The following FHIT variants were observed in gnomAD, a reference collection of about 807,000 sequenced individuals.
FHIT encodes the protein bis(5'-adenosyl)-triphosphatase.
A neutral mutation model predicts 17.9 loss-of-function variants in FHIT; 19 were observed. The ratio of observed to expected loss-of-function variants is 1.06; its 90% CI spans 0.74 to 1.56. FHIT has a LOEUF of 1.56. FHIT is among the 40% of genes most tolerant of loss of function. FHIT has a pLI of 0.00. For synonymous variants in FHIT, 81 were observed against 69.7 expected (o/e 1.16, Z -0.81); for missense variants, 248 against 189.2 (o/e 1.31, Z -1.82).
At chr3:59,960,015 T>G (rs1177810120) in intron 7 of FHIT, among the ~76,000 whole-genome samples, 2 of 151,926 alleles carry the variant, frequency 1.3e-5, no homozygotes, top group African/African-American at 4.8e-5. Context: ...AGCAGGTCAA[T>G]GAGGGAAAGA....
chr3:59,970,802 C>T (rs945149930), intron 7 of FHIT, among the ~76,000 whole-genome samples: 1 of 150,390 alleles, frequency 6.6e-6, no homozygotes, highest in African/African-American at 2.4e-5. Context: ...CGAATTAATG[C>T]TTGGGATGCA....
At chr3:60,550,249 T>C (rs181730693) in intron 4 of FHIT, among the ~76,000 whole-genome samples, 35 of 152,332 alleles carry the variant, frequency 2.3e-4, no homozygotes, top group African/African-American at 7.2e-4. Context: ...GAGACATATA[T>C]TGAAGTTTAT....
intron 2 of FHIT, among the ~76,000 whole-genome samples, chr3:61,152,201 A>G (rs2107054691): frequency 6.6e-6 from 1 of 152,288 alleles, no homozygotes; most frequent in South Asian, 2.1e-4. Flanking sequence ...AGAGTTAGCT[A>G]AGTGAAGGGA....
At chr3:60,488,714 A>G (rs2033943659) in intron 5 of FHIT, among the ~76,000 whole-genome samples, 2 of 152,172 alleles carry the variant, frequency 1.3e-5, no homozygotes, top group South Asian at 4.2e-4. Context: ...ATAAATATTT[A>G]AGTCCAAGCC....
chr3:60,533,600 G>A (rs1174738946), intron 5 of FHIT, among the ~76,000 whole-genome samples: 1 of 152,110 alleles, frequency 6.6e-6, no homozygotes, highest in Non-Finnish European at 1.5e-5. Context: ...ACAGAGTTTT[G>A]TTTTGTTTTC....
intron 8 of FHIT, among the ~76,000 whole-genome samples, chr3:59,880,035 G>C (rs922102345): frequency 1.0e-4 from 15 of 149,470 alleles, no homozygotes; most frequent in African/African-American, 3.7e-4. Flanking sequence ...ACACAAGATA[G>C]AAAACTTCTG....
At chr3:59,791,428 G>A (rs1442516214) in intron 8 of FHIT, among the ~76,000 whole-genome samples, 1 of 152,222 alleles carries the variant, frequency 6.6e-6, no homozygotes, top group Non-Finnish European at 1.5e-5. Flanking sequence ...GGTTGCCTGA[G>A]AGAAGCAGAG....
chr3:60,560,844 C>CACACACACACAGAGAG (rs139684970), intron 4 of FHIT, among the ~76,000 whole-genome samples: 1 of 122,262 alleles, frequency 8.2e-6, no homozygotes, highest in Non-Finnish European at 1.7e-5. Context: ...CACACACACA[C>CACACACACACAGAGAG]AGAGAGAGAG....
chr3:61,058,718 A>G (rs1407268573), intron 2 of FHIT, among the ~76,000 whole-genome samples: 2 of 152,180 alleles, frequency 1.3e-5, no homozygotes, highest in African/African-American at 4.8e-5. Context: ...TTTTCTTTAT[A>G]AATTTCTCAG....
intron 4 of FHIT, among the ~76,000 whole-genome samples, chr3:60,588,450 A>G (rs2107690857): frequency 6.6e-6 from 1 of 152,042 alleles, no homozygotes; most frequent in South Asian, 2.1e-4. Context: ...GGAGAAAGAG[A>G]GGGGAAGGAG....
rs114685364 is a variant in FHIT, at chr3:60,803,897, C to T, written c.-18+18022G>A. On this transcript the variant is annotated intron_variant, in intron 4 of 9. Transcript: ENST00000492590. ...TTAGCAAAATCCAAATTAGCATGGT[C>T]CATTTTAAAAACTTGCTTTTATTTA... is the stretch of plus-strand genomic sequence containing the variant. Among the ~76,000 whole-genome samples the T allele has an allele frequency of 7.6e-3, 1,152 of 151,914 alleles. 10 individuals are homozygous for T. The highest frequency in any genetic ancestry group is 0.012 in the Non-Finnish European group (842 of 67,774).
At position 60,805,919 on chromosome 3, in the gene FHIT, G is replaced by T. The variant is rs1045855608; in HGVS notation, c.-18+16000C>A. 2.2e-4 allele frequency among the ~76,000 whole-genome samples: 33 copies of T among 152,248 alleles called. 3 individuals carry two copies. The highest frequency in any genetic ancestry group is 1.8e-3 in the Admixed American group (27 of 15,282). On this transcript the variant is annotated intron_variant, in intron 4 of 9. Coordinates refer to ENST00000492590, the MANE Select transcript of FHIT (RefSeq NM_002012.4). ...GTTGTCTCCAAATACAGTCACATTA[G>T]GGATTCAGGCTTCAGTGTATCAATT...
At chr3:60,437,785 G>A (rs542215905) in intron 5 of FHIT, among the ~76,000 whole-genome samples, 52 of 151,894 alleles carry the variant, frequency 3.4e-4, no homozygotes, top group African/African-American at 9.2e-4. Flanking sequence ...CTAAATTCAG[G>A]GGAAATCCAG....
At chr3:59,991,531 C>G (rs550073210) in intron 7 of FHIT, among the ~76,000 whole-genome samples, 6 of 152,120 alleles carry the variant, frequency 3.9e-5, no homozygotes, top group Admixed American at 2.0e-4. Flanking sequence ...ATTATAATCC[C>G]AAACAGACAG....
intron 5 of FHIT, among the ~76,000 whole-genome samples, chr3:60,444,616 G>A (rs901269192): frequency 3.3e-5 from 5 of 152,008 alleles, no homozygotes; most frequent in Non-Finnish European, 7.4e-5. Context: ...AACACCGCAT[G>A]TTCTCACTCA....
At chr3:60,250,075 C>G (rs1315153333) in intron 5 of FHIT, among the ~76,000 whole-genome samples, 1 of 151,738 alleles carries the variant, frequency 6.6e-6, no homozygotes, top group East Asian at 1.9e-4. Flanking sequence ...AAGGTGAGAT[C>G]TGGGTAGGGA....
chr3:59,862,251 C>T (rs997016493), intron 8 of FHIT, among the ~76,000 whole-genome samples: 7 of 152,182 alleles, frequency 4.6e-5, no homozygotes, highest in South Asian at 2.1e-4. Flanking sequence ...AGAGGCCATG[C>T]GCAGGGGAGC....
At chr3:61,249,921 G>A (rs1043922516) in intron 1 of FHIT, among the ~76,000 whole-genome samples, 3 of 133,126 alleles carry the variant, frequency 2.3e-5, no homozygotes, top group African/African-American at 5.5e-5. Flanking sequence ...AACAGCATAT[G>A]CAATCAATAA....
intron 3 of FHIT, among the ~76,000 whole-genome samples, chr3:61,029,696 T>C (rs72875912): frequency 0.016 from 2,474 of 152,342 alleles, 37 homozygotes; most frequent in Middle Eastern, 0.044. Context: ...AATTACATTC[T>C]TATCAGAAGC....
Sources: allele counts gnomAD v4.1 joint callset (sites outside exome capture counted in the v4.1 genomes callset), GRCh38; gene constraint gnomAD v4.1.1; transcripts MANE v1.5; gene names NCBI Gene and HGNC (gene_info 2026-07-23, HGNC 2026-07-21).